The following ATE1 variants were observed in gnomAD, a reference collection of about 807,000 sequenced individuals.
ATE1 encodes the protein arginyltransferase 1, also known as arginyl-tRNA--protein transferase 1.
A neutral mutation model predicts 70.5 loss-of-function variants in ATE1; 36 were observed. That is an observed-to-expected ratio of 0.51 (90% CI 0.39 to 0.67). The LOEUF is 0.67. ATE1 is among the 30% of genes least tolerant of loss of function. The pLI is 0.00. For missense variants in ATE1, 593 were observed against 629.5 expected, an observed-to-expected ratio of 0.94 and a Z score of 0.62; for synonymous variants, 232 against 219.3, an observed-to-expected ratio of 1.06 and a Z score of -0.51.
intron 11 of ATE1, among the ~76,000 whole-genome samples, chr10:121,755,772 T>C (rs953469754): frequency 6.6e-6 from 1 of 152,144 alleles, no homozygotes; most frequent in Non-Finnish European, 1.5e-5. Context: ...AAGACCAGCA[T>C]GGGAAAGACC....
chr10:121,919,919 G>C (rs531204320), intron 3 of ATE1, among the ~76,000 whole-genome samples: 17 of 150,918 alleles, frequency 1.1e-4, no homozygotes, highest in African/African-American at 4.1e-4. Context: ...TATGCAAAAT[G>C]TTACATATTT....
At chr10:121,755,901 C>A (rs1344290346) in intron 11 of ATE1, among the ~76,000 whole-genome samples, 7 of 152,164 alleles carry the variant, frequency 4.6e-5, no homozygotes, top group Non-Finnish European at 1.0e-4. Context: ...TGGCTTCTCC[C>A]AAATCTCGTA....
chr10:121,809,514 C>T (rs1390156495), intron 10 of ATE1, among the ~76,000 whole-genome samples: 3 of 152,084 alleles, frequency 2.0e-5, no homozygotes, highest in African/African-American at 7.2e-5. Context: ...TCATCAAGAA[C>T]ATTCTTAAGT....
At chr10:121,852,602 T>C (rs1949096875) in intron 8 of ATE1, among the ~76,000 whole-genome samples, 1 of 151,960 alleles carries the variant, frequency 6.6e-6, no homozygotes, top group Non-Finnish European at 1.5e-5. Context: ...TCCCAGCTAC[T>C]TGGGAGGCTG....
intron 4 of ATE1, 120 bp from the exon 5 acceptor site, chr10:121,911,271 C>A: frequency 8.1e-7 from 1 of 1,231,760 alleles, no homozygotes; most frequent in East Asian, 2.4e-5. Flanking sequence ...CCACCAAATC[C>A]ATTCTCATCC....
At chr10:121,780,622 G>A (rs1239268805) in intron 11 of ATE1, among the ~76,000 whole-genome samples, 1 of 152,190 alleles carries the variant, frequency 6.6e-6, no homozygotes, top group African/African-American at 2.4e-5. Flanking sequence ...TCCTTATCAT[G>A]ATTTACAAAC....
chr10:121,743,494 C>A lies in ATE1; in HGVS notation c.*186G>T. 8.3e-7 allele frequency: 1 copy of A among 1,209,342 alleles called. No homozygotes were observed. The highest frequency in any genetic ancestry group is 1.1e-6 in the Non-Finnish European group (1 of 950,482). The allele number at this position is 1,209,342 out of a possible 1,614,324, so 74.9% of individuals were successfully genotyped here. A position where few individuals can be genotyped will look rare whatever the true frequency, so the allele number is the denominator to read the frequency against. ...CTAGGTCATAATGCAGTTTTAAAATCTTTATATTAACTATGAGATTCTCAC... is the reference window on the plus strand; with the variant it reads ...CTAGGTCATAATGCAGTTTTAAAATATTTATATTAACTATGAGATTCTCAC... On this transcript the variant is annotated 3_prime_UTR_variant, in exon 12 of 12. Coordinates refer to ENST00000224652, the MANE Select transcript of ATE1 (RefSeq NM_001001976.3).
intron 10 of ATE1, among the ~76,000 whole-genome samples, chr10:121,798,247 C>T (rs766671196): frequency 6.6e-6 from 1 of 152,142 alleles, no homozygotes; most frequent in Non-Finnish European, 1.5e-5. Flanking sequence ...ATTACAAGGA[C>T]ATAATCAAGA....
chr10:121,820,936 T>C (rs1043770058), intron 10 of ATE1, among the ~76,000 whole-genome samples: 13 of 152,224 alleles, frequency 8.5e-5, no homozygotes, highest in Non-Finnish European at 1.3e-4. Context: ...CTAAAATATA[T>C]AGGAAAACAT....
At chr10:121,790,390 A>G in intron 10 of ATE1, 101 bp from the exon 11 acceptor site, 1 of 1,425,924 alleles carries the variant, frequency 7.0e-7, no homozygotes, top group Non-Finnish European at 9.4e-7. Flanking sequence ...AAAAACTTAA[A>G]AGTCAACCAG....
intron 11 of ATE1, among the ~76,000 whole-genome samples, chr10:121,771,229 C>A (rs769899103): frequency 4.6e-5 from 7 of 152,162 alleles, no homozygotes; most frequent in African/African-American, 1.7e-4. Flanking sequence ...TGCCACCATG[C>A]CTGGCTAATT....
intron 10 of ATE1, among the ~76,000 whole-genome samples, chr10:121,801,368 C>A (rs1332921418): frequency 1.3e-5 from 2 of 152,090 alleles, no homozygotes; most frequent in African/African-American, 2.4e-5. Flanking sequence ...TAATCACAAT[C>A]TTTGCTTTTA....
rs1947506208 is a variant in ATE1, at chr10:121,815,510, T to C, written c.1257+21208A>G. On this transcript the variant is annotated intron_variant, in intron 10 of 11. Coordinates refer to ENST00000224652, the MANE Select transcript of ATE1 (RefSeq NM_001001976.3). ...AATATTTGCTAGACATATCTCATTGTAGAGAAACATTAATTATCTTTAAAT... is the reference window on the plus strand; with the variant it reads ...AATATTTGCTAGACATATCTCATTGCAGAGAAACATTAATTATCTTTAAAT... 3.3e-5 allele frequency among the ~76,000 whole-genome samples: 5 copies of C among 152,332 alleles called. No individual in the cohort carries two copies. In the South Asian group the frequency reaches 1.0e-3, roughly 32 times the overall value.
chr10:121,822,193 T>C (rs1252733537), intron 10 of ATE1, among the ~76,000 whole-genome samples: 1 of 152,202 alleles, frequency 6.6e-6, no homozygotes, highest in Non-Finnish European at 1.5e-5. Flanking sequence ...TTAAATAGTA[T>C]ACCATACCCA....
At chr10:121,777,783 A>G (rs1466061097) in intron 11 of ATE1, among the ~76,000 whole-genome samples, 3 of 152,216 alleles carry the variant, frequency 2.0e-5, no homozygotes, top group African/African-American at 7.2e-5. Context: ...GTAGAAATTT[A>G]CGTTTATTGT....
chr10:121,832,288 T>C (rs1948269810), intron 10 of ATE1, among the ~76,000 whole-genome samples: 1 of 152,226 alleles, frequency 6.6e-6, no homozygotes, highest in Admixed American at 6.5e-5. Context: ...AATAAATACC[T>C]GAGCTCAAAG....
At chr10:121,883,948 T>C (rs1427612265) in intron 7 of ATE1, among the ~76,000 whole-genome samples, 2 of 151,268 alleles carry the variant, frequency 1.3e-5, no homozygotes, top group African/African-American at 2.4e-5. Context: ...CTACCAAAAA[T>C]ACAAAAATTA....
intron 7 of ATE1, among the ~76,000 whole-genome samples, chr10:121,893,465 G>C (rs1346784332): frequency 6.6e-6 from 1 of 151,890 alleles, no homozygotes. Context: ...ACTGGTTAAC[G>C]TAAGAAATTA....
At chr10:121,808,481 G>A (rs1170178447) in intron 10 of ATE1, among the ~76,000 whole-genome samples, 1 of 152,170 alleles carries the variant, frequency 6.6e-6, no homozygotes, top group Non-Finnish European at 1.5e-5. Context: ...TATAGCTCGT[G>A]ATTTAACTCT....
Sources: gnomAD v4.1 joint callset for allele counts (sites outside exome capture counted in the v4.1 genomes callset) on GRCh38, gnomAD v4.1.1 for gene constraint, MANE v1.5 for transcripts, NCBI Gene and HGNC (gene_info 2026-07-23, HGNC 2026-07-21) for gene names.